SRGAP1: variants seen among roughly 807,000 people sequenced by gnomAD.
SRGAP1 encodes SLIT-ROBO Rho GTPase-activating protein 1.
A neutral mutation model predicts 121.9 loss-of-function variants in SRGAP1; 43 were observed. The observed-to-expected ratio is 0.35, with a 90% confidence interval of 0.28 to 0.46. The LOEUF is 0.46. SRGAP1 is among the 20% of genes least tolerant of loss of function. SRGAP1 has a pLI of 1.00. For missense variants in SRGAP1, 1,102 were observed against 1,350.9 expected, an observed-to-expected ratio of 0.82 and a Z score of 2.89; for synonymous variants, 447 against 485.4, an observed-to-expected ratio of 0.92 and a Z score of 1.04.
At chr12:63,845,429 A>G (rs888300541) in intron 1 of SRGAP1, among the ~76,000 whole-genome samples, 1 of 152,196 alleles carries the variant, frequency 6.6e-6, no homozygotes, top group African/African-American at 2.4e-5. Flanking sequence ...AAAGCCTGGC[A>G]GTTAAACGAA....
chr12:63,955,725 C>T (rs2032444933), intron 1 of SRGAP1, among the ~76,000 whole-genome samples: 1 of 150,576 alleles, frequency 6.6e-6, no homozygotes, highest in South Asian at 2.1e-4. Flanking sequence ...AAAAAACAAG[C>T]TTTTGAAGAG....
intron 21 of SRGAP1, among the ~76,000 whole-genome samples, chr12:64,138,229 G>A (rs1223562105): frequency 6.6e-6 from 1 of 151,560 alleles, no homozygotes; most frequent in Non-Finnish European, 1.5e-5. Context: ...TGTATTTTTT[G>A]TGACTGGCTC....
chr12:63,863,266 C>CTT (rs1404045182), intron 1 of SRGAP1, among the ~76,000 whole-genome samples: 2 of 140,324 alleles, frequency 1.4e-5, no homozygotes. Context: ...AAAGGTTGCT[C>CTT]TTTTTTTTTC....
chr12:64,000,239 GGTGTGTGT>G (rs58289093), intron 3 of SRGAP1, among the ~76,000 whole-genome samples: 18 of 131,550 alleles, frequency 1.4e-4, no homozygotes, highest in South Asian at 7.5e-4. Flanking sequence ...GAAAGGTAGG[GGTGTGTGT>G]GTGTGTGTGT....
At chr12:63,859,339 G>C (rs1030552705) in intron 1 of SRGAP1, among the ~76,000 whole-genome samples, 15 of 151,948 alleles carry the variant, frequency 9.9e-5, no homozygotes, top group African/African-American at 3.4e-4. Flanking sequence ...GCTAATTTTT[G>C]TATAATTAGT....
chr12:64,065,021 G>T, intron 7 of SRGAP1, 97 bp from the exon 8 acceptor site: 1 of 789,124 alleles, frequency 1.3e-6, no homozygotes, highest in East Asian at 2.8e-5. Context: ...ACCTTGAGAG[G>T]ATTGGTGTGA....
At chr12:64,097,464 C>G in intron 15 of SRGAP1, 89 bp downstream of exon 15, 1 of 1,374,684 alleles carries the variant, frequency 7.3e-7, no homozygotes, top group South Asian at 1.4e-5. Flanking sequence ...TCCATACACC[C>G]CCACCCCCAT....
At chr12:64,041,538 C>A (rs1267497883) in intron 4 of SRGAP1, among the ~76,000 whole-genome samples, 2 of 151,960 alleles carry the variant, frequency 1.3e-5, no homozygotes, top group Non-Finnish European at 2.9e-5. Flanking sequence ...GTGCATGCCA[C>A]CAGGCCCAGC....
chr12:63,887,530 T>G (rs1900429789), intron 1 of SRGAP1: 1 of 152,208 alleles, frequency 6.6e-6, no homozygotes, highest in Admixed American at 6.5e-5. Flanking sequence ...CCCTCCTGTC[T>G]TTGAAGATGT....
At chr12:63,968,309 T>G (rs1010359019) in intron 1 of SRGAP1, among the ~76,000 whole-genome samples, 1 of 152,220 alleles carries the variant, frequency 6.6e-6, no homozygotes, top group African/African-American at 2.4e-5. Flanking sequence ...CTGTACAGTA[T>G]TTTGTTTTAA....
intron 1 of SRGAP1, among the ~76,000 whole-genome samples, chr12:63,884,684 C>G (rs368871872): frequency 4.6e-5 from 7 of 151,690 alleles, no homozygotes; most frequent in African/African-American, 1.7e-4. Context: ...AACCTCTCCC[C>G]TCTTCCCGCT....
chr12:64,161,994 T>A lies in SRGAP1; in HGVS notation c.*19322T>A, dbSNP rs1351736963. 6.6e-6 allele frequency: 1 copy of A among 152,194 alleles called. No individual in the cohort carries two copies. The highest frequency in any genetic ancestry group is 1.9e-4 in the East Asian group (1 of 5,192). 9.4% of individuals were successfully genotyped at this position (152,194 alleles called of 1,614,324 possible). A position where few individuals can be genotyped will look rare whatever the true frequency, so the allele number is the denominator to read the frequency against. ...CCACATATTGTGTATATTTTATCCATAAGAAATGTTCAGAATAGGCAAATC... is the reference window on the plus strand; with the variant it reads ...CCACATATTGTGTATATTTTATCCAAAAGAAATGTTCAGAATAGGCAAATC... On this transcript the variant is annotated 3_prime_UTR_variant, in exon 22 of 22. Coordinates refer to ENST00000355086, the MANE Select transcript of SRGAP1 (RefSeq NM_020762.4).
At chr12:63,917,877 C>T (rs2030860206) in intron 1 of SRGAP1, among the ~76,000 whole-genome samples, 1 of 150,944 alleles carries the variant, frequency 6.6e-6, no homozygotes, top group African/African-American at 2.4e-5. Context: ...GTTGTTTATC[C>T]TACAGAAAAC....
chr12:63,932,172 T>C (rs962939971), intron 1 of SRGAP1, among the ~76,000 whole-genome samples: 2 of 152,202 alleles, frequency 1.3e-5, no homozygotes, highest in African/African-American at 4.8e-5. Context: ...TCCCAGCTAC[T>C]TGGGAGGGTG....
At chr12:63,890,572 G>C (rs927431444) in intron 1 of SRGAP1, among the ~76,000 whole-genome samples, 9 of 152,162 alleles carry the variant, frequency 5.9e-5, no homozygotes, top group African/African-American at 2.2e-4. Flanking sequence ...GGTGAGTTGT[G>C]GGGTGTGGGC....
At chr12:64,127,224 C>T (rs2036705279) in intron 19 of SRGAP1, among the ~76,000 whole-genome samples, 2 of 152,174 alleles carry the variant, frequency 1.3e-5, no homozygotes, top group African/African-American at 2.4e-5. Context: ...TTAAGCAACA[C>T]GTGACTGTAG....
chr12:63,919,709 C>G (rs969314468), intron 1 of SRGAP1, among the ~76,000 whole-genome samples: 2 of 151,900 alleles, frequency 1.3e-5, no homozygotes, highest in Non-Finnish European at 2.9e-5. Context: ...TTTCTCTTGC[C>G]TTTTTTTAAA....
In SRGAP1 at chr12:64,142,960, C is replaced by G; in HGVS notation, c.*288C>G. ...CACTTGTAATGAAGGCAACACCGCT[C>G]TCCACATTGTACAGAGCTTCAGGTT... On this transcript the variant is annotated 3_prime_UTR_variant, in exon 22 of 22. Coordinates refer to ENST00000355086, the MANE Select transcript of SRGAP1 (RefSeq NM_020762.4). The G allele has an allele frequency of 5.2e-6, 2 of 388,060 alleles. No homozygotes were observed. The highest frequency in any genetic ancestry group is 5.4e-5 in the East Asian group (1 of 18,578). The allele number at this position is 388,060 out of a possible 1,614,324, so 24.0% of individuals were successfully genotyped here.
In SRGAP1 at chr12:64,147,270, A is replaced by G; in HGVS notation, c.*4598A>G. The stretch of plus-strand genomic sequence containing the variant: ...GACTGTTACCTAATTGTGTCAATGT[A>G]CATCTGTAGTATGTACATGTGAAAG... On this transcript the variant is annotated 3_prime_UTR_variant, in exon 22 of 22. Transcript: ENST00000355086. 5.1e-6 allele frequency: 2 copies of G among 388,612 alleles called. No homozygotes were observed. Among genetic ancestry groups the G allele is most frequent in the Middle Eastern group, 1.3e-3 (2 of 1,560 alleles). The allele number at this position is 388,612 out of a possible 1,614,324, so 24.1% of individuals were successfully genotyped here.
Sources: allele counts gnomAD v4.1 joint callset (sites outside exome capture counted in the v4.1 genomes callset), GRCh38; gene constraint gnomAD v4.1.1; transcripts MANE v1.5; gene names NCBI Gene and HGNC (gene_info 2026-07-23, HGNC 2026-07-21).